ZBTB38: variants seen among roughly 807,000 people sequenced by gnomAD.
The protein encoded by ZBTB38 is zinc finger and BTB domain containing 38, also known as zinc finger and BTB domain-containing protein 38.
ZBTB38 carries 20 observed loss-of-function variants against 76.8 expected under a neutral mutation model. The observed-to-expected ratio is 0.26, with a 90% CI of 0.18 to 0.38. The LOEUF is 0.38. ZBTB38 is among the 10% of genes least tolerant of loss of function. The pLI, the probability that ZBTB38 is intolerant of heterozygous loss-of-function variation, is 1.00. For missense variants in ZBTB38, 1,082 were observed against 1,482.3 expected, an observed-to-expected ratio of 0.73 and a Z score of 4.43; for synonymous variants, 504 against 544.2, an observed-to-expected ratio of 0.93 and a Z score of 1.03.
At chr3:141,437,890 T>TTTTTTC (rs774912314) in intron 5 of ZBTB38, among the ~76,000 whole-genome samples, 11 of 152,192 alleles carry the variant, frequency 7.2e-5, no homozygotes, top group Admixed American at 1.3e-4. Flanking sequence ...CTTGCCTTTC[T>TTTTTTC]TTTTTCTTTT....
chr3:141,364,216 C>T (rs904060143), upstream of ZBTB38, among the ~76,000 whole-genome samples: 17 of 148,106 alleles, frequency 1.1e-4, no homozygotes, highest in Non-Finnish European at 1.8e-4. Flanking sequence ...CACCTGAGGT[C>T]GGGAGTTCAA....
intron 1 of ZBTB38, among the ~76,000 whole-genome samples, chr3:141,349,376 G>A (rs1292548144): frequency 6.6e-6 from 1 of 152,306 alleles, no homozygotes; most frequent in Middle Eastern, 3.4e-3. Context: ...AAAGCACAGA[G>A]TGCTGTTTGA....
At chr3:141,351,032 T>C (rs1399970564) in intron 1 of ZBTB38, among the ~76,000 whole-genome samples, 1 of 152,240 alleles carries the variant, frequency 6.6e-6, no homozygotes, top group South Asian at 2.1e-4. Context: ...TGTGCATTAT[T>C]ATTTTGAAAA....
intron 1 of ZBTB38, among the ~76,000 whole-genome samples, chr3:141,357,128 A>T (rs1943685327): frequency 6.6e-6 from 1 of 152,240 alleles, no homozygotes; most frequent in African/African-American, 2.4e-5. Flanking sequence ...TGCCAATGCG[A>T]CAGGCAAATG....
Position 141,401,708 on chromosome 3 carries a change from G to A in ZBTB38, c.-105-2219G>A, listed in dbSNP as rs191290933. On this transcript the variant is annotated intron_variant, in intron 4 of 5. Transcript: ENST00000321464. The stretch of plus-strand genomic sequence containing the variant: ...AAAAAAAAACACCTGTCCATTATTC[G>A]TGCATTAGCTCCACATGGCCAGCTT... Among the ~76,000 whole-genome samples, 457 of 150,792 alleles carry A rather than the reference G, an allele frequency of 3.0e-3. 2 individuals are homozygous for A. Among genetic ancestry groups the A allele is most frequent in the African/African-American group, 0.011 (444 of 41,010 alleles).
At chr3:141,392,335 G>C (rs1290028799) in intron 4 of ZBTB38, among the ~76,000 whole-genome samples, 1 of 152,148 alleles carries the variant, frequency 6.6e-6, no homozygotes, top group Non-Finnish European at 1.5e-5. Context: ...AGCATTTGTT[G>C]AGCATCTGCT....
chr3:141,327,301 A>G (rs1300489448), intron 1 of ZBTB38, among the ~76,000 whole-genome samples: 1 of 152,214 alleles, frequency 6.6e-6, no homozygotes, highest in Non-Finnish European at 1.5e-5. Context: ...GGGGAAAAAG[A>G]GAAATCTGAC....
At chr3:141,421,582 A>G (rs904637810) in intron 5 of ZBTB38, among the ~76,000 whole-genome samples, 6 of 152,150 alleles carry the variant, frequency 3.9e-5, no homozygotes, top group African/African-American at 1.4e-4. Context: ...GTAAACATTC[A>G]AAGGGCTGTC....
At chr3:141,418,095 C>G (rs1287870537) in intron 5 of ZBTB38, among the ~76,000 whole-genome samples, 2 of 152,138 alleles carry the variant, frequency 1.3e-5, no homozygotes, top group African/African-American at 4.8e-5. Context: ...GAATTGGGGC[C>G]TGAGTATTGG....
intron 5 of ZBTB38, among the ~76,000 whole-genome samples, chr3:141,421,132 A>G (rs2075263700): frequency 6.6e-6 from 1 of 152,068 alleles, no homozygotes; most frequent in African/African-American, 2.4e-5. Context: ...ACTCCATGAT[A>G]TGTATAGTAG....
rs557587979 is a variant in ZBTB38, at chr3:141,399,987, CTT to C, written c.-105-3919_-105-3918del. On this transcript the variant is annotated intron_variant, in intron 4 of 5. Coordinates refer to ENST00000321464, the MANE Select transcript of ZBTB38 (RefSeq NM_001376113.1). ...AGAGGAGATAATCTTGAAAGTCTTG[CTT>C]TTTTTTTTTTTTTTTTTTTTGCAAA... Among the ~76,000 whole-genome samples the C allele has an allele frequency of 9.0e-3, 725 of 80,450 alleles. 1 individual carries two copies. The highest frequency in any genetic ancestry group is 0.03 in the African/African-American group (673 of 22,232). 52.8% of individuals were successfully genotyped at this position (80,450 alleles called of 152,430 possible).
At chr3:141,333,003 A>G (rs1401403733) in intron 1 of ZBTB38, among the ~76,000 whole-genome samples, 5 of 152,224 alleles carry the variant, frequency 3.3e-5, no homozygotes, top group African/African-American at 4.8e-5. Context: ...TTCTTAAACA[A>G]TGAACTTGCC....
At chr3:141,401,246 G>T (rs1249030484) in intron 4 of ZBTB38, among the ~76,000 whole-genome samples, 1 of 152,074 alleles carries the variant, frequency 6.6e-6, no homozygotes, top group African/African-American at 2.4e-5. Context: ...AATAAATGCA[G>T]TTTAGTTGAG....
At chr3:141,429,277 G>T (rs2076977783) in intron 5 of ZBTB38, among the ~76,000 whole-genome samples, 1 of 151,668 alleles carries the variant, frequency 6.6e-6, no homozygotes, top group Non-Finnish European at 1.5e-5. Flanking sequence ...GAGGCATATT[G>T]CTTTTTGCGG....
At chr3:141,394,911 G>C (rs1440409572) in intron 4 of ZBTB38, among the ~76,000 whole-genome samples, 1 of 152,304 alleles carries the variant, frequency 6.6e-6, no homozygotes, top group East Asian at 1.9e-4. Context: ...CTCTCGGAGA[G>C]TTAAGTGGTG....
intron 5 of ZBTB38, among the ~76,000 whole-genome samples, chr3:141,415,128 A>G (rs545325583): frequency 6.6e-6 from 1 of 151,758 alleles, no homozygotes; most frequent in East Asian, 1.9e-4. Context: ...GTTTCCCTAC[A>G]CTCCATTTAA....
intron 5 of ZBTB38, among the ~76,000 whole-genome samples, chr3:141,419,067 T>C (rs2074752817): frequency 6.6e-6 from 1 of 152,170 alleles, no homozygotes; most frequent in Non-Finnish European, 1.5e-5. Context: ...TTTAATTGAC[T>C]CACAGTTTTG....
chr3:141,358,062 A>G (rs1297454759), intron 1 of ZBTB38, among the ~76,000 whole-genome samples: 1 of 152,194 alleles, frequency 6.6e-6, no homozygotes, highest in Non-Finnish European at 1.5e-5. Context: ...CCTGGTTTGT[A>G]ATATTCTTTC....
intron 5 of ZBTB38, among the ~76,000 whole-genome samples, chr3:141,433,243 T>C (rs2077998407): frequency 6.6e-6 from 1 of 152,036 alleles, no homozygotes; most frequent in African/African-American, 2.4e-5. Flanking sequence ...ATTTATTTTA[T>C]TGAGTAAAAT....
Sources: allele counts gnomAD v4.1 joint callset (sites outside exome capture counted in the v4.1 genomes callset), GRCh38; gene constraint gnomAD v4.1.1; transcripts MANE v1.5; gene names NCBI Gene and HGNC (gene_info 2026-07-23, HGNC 2026-07-21).